The following HBS1L variants were observed in gnomAD, a reference collection of about 807,000 sequenced individuals.
HBS1L encodes the protein HBS1-like protein.
A neutral mutation model predicts 88.9 loss-of-function variants in HBS1L; 55 were observed. The ratio of observed to expected loss-of-function variants is 0.62; its 90% CI spans 0.50 to 0.77. HBS1L has a LOEUF of 0.77. Among genes scored for constraint, HBS1L ranks in the 30% least tolerant of loss-of-function variants. HBS1L has a pLI of 0.00. For synonymous variants in HBS1L, 267 were observed against 288.5 expected (o/e 0.93, Z 0.76); for missense variants, 741 against 829.3 (o/e 0.89, Z 1.31).
At chr6:135,054,167 T>C (rs554080207) in intron 1 of HBS1L, among the ~76,000 whole-genome samples, 2 of 152,376 alleles carry the variant, frequency 1.3e-5, no homozygotes, top group Admixed American at 6.5e-5. Context: ...TAGGTATGTA[T>C]GGACATACAC....
intron 4 of HBS1L, among the ~76,000 whole-genome samples, chr6:135,020,679 T>A (rs559390197): frequency 5.3e-5 from 8 of 152,156 alleles, no homozygotes; most frequent in African/African-American, 1.9e-4. Context: ...CTAAAAGTAC[T>A]ATATGTACAA....
chr6:135,018,084 G>T (rs1775973239), intron 4 of HBS1L, among the ~76,000 whole-genome samples: 1 of 151,398 alleles, frequency 6.6e-6, no homozygotes, highest in Non-Finnish European at 1.5e-5. Context: ...AGTACATACA[G>T]ATACACGTAC....
At chr6:135,025,847 C>T (rs749881332) in intron 4 of HBS1L, among the ~76,000 whole-genome samples, 1 of 152,030 alleles carries the variant, frequency 6.6e-6, no homozygotes, top group African/African-American at 2.4e-5. Context: ...AAAAGAAAGA[C>T]AGGATAAAAT....
At chr6:134,997,342 A>G in intron 6 of HBS1L, 55 bp downstream of exon 6, 1 of 1,598,596 alleles carries the variant, frequency 6.3e-7, no homozygotes, top group Non-Finnish European at 8.6e-7. Flanking sequence ...GCCTCCAGAC[A>G]GTGGGCAGGC....
At chr6:134,966,201 G>T in intron 17 of HBS1L, 128 bp downstream of exon 17, 2 of 751,106 alleles carry the variant, frequency 2.7e-6, no homozygotes, top group Non-Finnish European at 4.1e-6. Flanking sequence ...AACCTAAAAT[G>T]AGTAAGGCTT....
At chr6:134,978,640 T>A in intron 15 of HBS1L, 39 bp downstream of exon 15, 2 of 1,145,582 alleles carry the variant, frequency 1.7e-6, no homozygotes, top group Non-Finnish European at 2.5e-6. Flanking sequence ...TTACTTTGAA[T>A]TTATAAAAAC....
In HBS1L at chr6:134,969,746, T is replaced by C. The variant is rs374015410; in HGVS notation, c.1798-408A>G. On this transcript the variant is annotated intron_variant, in intron 15 of 17. Coordinates refer to ENST00000367837, the MANE Select transcript of HBS1L (RefSeq NM_006620.4). ...AGAACCTGGGATTGAATCTCAACTC[T>C]TTCTCTTCTGTCTGTACCTCAGTTT... 1.6e-4 allele frequency among the ~76,000 whole-genome samples: 24 copies of C among 152,192 alleles called. No homozygotes were observed. The South Asian group carries it at 2.9e-3, about 18-fold the overall frequency.
rs368919571 is a variant in HBS1L, at chr6:135,039,722, T to G, written c.281A>C (p.Asp94Ala). Residue 94 changes from aspartate to alanine, a missense_variant, in exon 4 of 18, where the codon GAT becomes GCT. Transcript: ENST00000367837. Reference sequence around the variant, plus strand: ...AATTAATATTTCATCTGGCACAGCATCTCCAAGTACCTCTCTCATGTGATC... The same window carrying G: ...AATTAATATTTCATCTGGCACAGCAGCTCCAAGTACCTCTCTCATGTGATC... ...CLDHMREVLG[D>A]AVPDEILIEA... The G allele has an allele frequency of 3.1e-6, 5 of 1,613,842 alleles. No homozygotes were observed. The highest frequency in any genetic ancestry group is 3.4e-6 in the Non-Finnish European group (4 of 1,180,024).
chr6:135,006,419 GAAGAA>G (rs2114824808), intron 4 of HBS1L, among the ~76,000 whole-genome samples: 1 of 152,228 alleles, frequency 6.6e-6, no homozygotes, highest in South Asian at 2.1e-4. Context: ...CTTAGAGGGA[GAAGAA>G]AAGAGTAAGC....
chr6:135,005,486 A>G (rs763287190), intron 4 of HBS1L, among the ~76,000 whole-genome samples: 13 of 152,246 alleles, frequency 8.5e-5, no homozygotes, highest in Admixed American at 2.0e-4. Context: ...ATGTTTTCCT[A>G]AATCCAAAAT....
chr6:134,988,273 G>A (rs181166338), intron 8 of HBS1L, among the ~76,000 whole-genome samples: 1 of 152,106 alleles, frequency 6.6e-6, no homozygotes, highest in East Asian at 1.9e-4. Flanking sequence ...TAAGGTATGA[G>A]GATCACTAGA....
At chr6:135,027,853 T>C (rs1274945817) in intron 4 of HBS1L, among the ~76,000 whole-genome samples, 1 of 151,892 alleles carries the variant, frequency 6.6e-6, no homozygotes, top group East Asian at 1.9e-4. Flanking sequence ...CTGCAACCTG[T>C]CCCCACACTC....
At chr6:135,051,999 A>G (rs554329843) in intron 1 of HBS1L, among the ~76,000 whole-genome samples, 1 of 152,360 alleles carries the variant, frequency 6.6e-6, no homozygotes, top group East Asian at 1.9e-4. Context: ...ATTTGGGAAC[A>G]CACACATGAA....
intron 4 of HBS1L, chr6:135,036,772 G>C: frequency 6.4e-7 from 1 of 1,551,562 alleles, no homozygotes; most frequent in Non-Finnish European, 8.7e-7. Context: ...TGAGGCAAAA[G>C]CTGAAGGTCT....
intron 3 of HBS1L, 97 bp downstream of exon 3, chr6:135,041,904 T>A: frequency 2.0e-6 from 2 of 1,024,836 alleles, no homozygotes; most frequent in East Asian, 2.4e-5. Context: ...TCATTACTGT[T>A]CATAGTCACT....
chr6:135,034,758 T>C (rs1776484950), intron 4 of HBS1L, among the ~76,000 whole-genome samples: 1 of 152,262 alleles, frequency 6.6e-6, no homozygotes, highest in African/African-American at 2.4e-5. Context: ...GTAGCATTTT[T>C]CCTTGGTATT....
In HBS1L at chr6:135,054,820, G is replaced by A. The variant is rs1440265143; in HGVS notation, c.-129C>T. On this transcript the variant is annotated 5_prime_UTR_variant, in exon 1 of 18. Coordinates refer to ENST00000367837, the MANE Select transcript of HBS1L (RefSeq NM_006620.4). ...ATCTTGGCTTCCCGCAGGCCTCTGC[G>A]CCGAGCGCCTGCGCAAGCGCGACGT... 1.1e-5 allele frequency: 13 copies of A among 1,144,632 alleles called. No homozygotes were observed. In the Admixed American group the frequency reaches 1.3e-4, roughly 11 times the overall value. The allele number at this position is 1,144,632 out of a possible 1,614,324, so 70.9% of individuals were successfully genotyped here. A position where few individuals can be genotyped will look rare whatever the true frequency, so the allele number is the denominator to read the frequency against.
At chr6:135,014,208 G>A (rs1775852397) in intron 4 of HBS1L, among the ~76,000 whole-genome samples, 2 of 152,082 alleles carry the variant, frequency 1.3e-5, no homozygotes, top group South Asian at 2.1e-4. Flanking sequence ...GAAGTCTGCT[G>A]GTCAGAATCT....
rs1257401618 is a variant in HBS1L, at chr6:135,054,771, C to G, written c.-80G>C. 6.5e-7 allele frequency: 1 copy of G among 1,547,562 alleles called. No individual in the cohort carries two copies. The highest frequency in any genetic ancestry group is 8.9e-7 in the Non-Finnish European group (1 of 1,128,394). On this transcript the variant is annotated 5_prime_UTR_variant, in exon 1 of 18. Coordinates refer to ENST00000367837, the MANE Select transcript of HBS1L (RefSeq NM_006620.4). ...TTAGATACTGATAAGGCGCCAACTG[C>G]AGCCTGGAGAACCCCTATGCGCCAT...
Sources: gnomAD v4.1 joint callset for allele counts (sites outside exome capture counted in the v4.1 genomes callset) on GRCh38, gnomAD v4.1.1 for gene constraint, MANE v1.5 for transcripts, NCBI Gene and HGNC (gene_info 2026-07-23, HGNC 2026-07-21) for gene names.